Variants in PTPN12 observed in about 807,000 individuals in gnomAD.
The protein encoded by PTPN12 is protein tyrosine phosphatase non-receptor type 12, also known as tyrosine-protein phosphatase non-receptor type 12.
In PTPN12, 29 loss-of-function variants were observed where a neutral mutation model predicts 97.6. The observed-to-expected ratio is 0.30, with a 90% confidence interval of 0.22 to 0.41. The LOEUF is 0.41. Ranked by LOEUF, PTPN12 falls within the 10% of genes least tolerant of loss-of-function variation. The pLI, the probability that PTPN12 is intolerant of heterozygous loss-of-function variation, is 1.00. For synonymous variants in PTPN12, 327 were observed against 300.4 expected, an observed-to-expected ratio of 1.09 and a Z score of -0.91; for missense variants, 819 against 926.0, an observed-to-expected ratio of 0.88 and a Z score of 1.50.
intron 1 of PTPN12, among the ~76,000 whole-genome samples, chr7:77,562,212 C>A (rs1808032655): frequency 6.6e-6 from 1 of 152,094 alleles, no homozygotes; most frequent in African/African-American, 2.4e-5. Context: ...TGCCACCACG[C>A]CCAGCTAATT....
intron 1 of PTPN12, among the ~76,000 whole-genome samples, chr7:77,540,496 A>T (rs1186017072): frequency 3.3e-5 from 5 of 151,640 alleles, no homozygotes; most frequent in African/African-American, 1.2e-4. Context: ...TGCCCGCCTC[A>T]GCCTCCCAAA....
rs753369979 is a variant in PTPN12, at chr7:77,625,524, ACT to A, written c.1026-1177_1026-1176del. On this transcript the variant is annotated intron_variant, in intron 12 of 17. Transcript: ENST00000248594. Reference sequence around the variant, plus strand: ...CTCTCTCTCTCTCTCTCTCTCTCTCACTCTCACTCTCACTCGCGCTCTCTCTC... The same window carrying A: ...CTCTCTCTCTCTCTCTCTCTCTCTCACTCACTCTCACTCGCGCTCTCTCTC... 1.4e-3 allele frequency among the ~76,000 whole-genome samples: 24 copies of A among 17,022 alleles called. 1 individual carries two copies. The highest frequency in any genetic ancestry group is 7.0e-3 in the African/African-American group (24 of 3,448). 11.2% of individuals were successfully genotyped at this position (17,022 alleles called of 152,430 possible).
At chr7:77,569,351 C>G (rs919006611) in intron 1 of PTPN12, among the ~76,000 whole-genome samples, 1 of 152,098 alleles carries the variant, frequency 6.6e-6, no homozygotes, top group South Asian at 2.1e-4. Flanking sequence ...ATACTGTCAT[C>G]TTACTATATA....
At chr7:77,635,334 T>G (rs565644418) in intron 14 of PTPN12, among the ~76,000 whole-genome samples, 1 of 152,092 alleles carries the variant, frequency 6.6e-6, no homozygotes, top group Admixed American at 6.6e-5. Flanking sequence ...GAAGCTGAGA[T>G]GGGAAGATTG....
At chr7:77,561,545 A>G (rs1807994867) in intron 1 of PTPN12, among the ~76,000 whole-genome samples, 1 of 152,092 alleles carries the variant, frequency 6.6e-6, no homozygotes, top group South Asian at 2.1e-4. Context: ...TTTTTTCCAT[A>G]TAGCGGTCAA....
intron 1 of PTPN12, among the ~76,000 whole-genome samples, chr7:77,547,355 A>T (rs1302933156): frequency 6.6e-6 from 1 of 152,168 alleles, no homozygotes; most frequent in African/African-American, 2.4e-5. Context: ...GGTGGGCTTC[A>T]GGGGAATCTT....
At chr7:77,612,040 A>ATTAC (rs1368380723) in intron 11 of PTPN12, among the ~76,000 whole-genome samples, 1 of 146,534 alleles carries the variant, frequency 6.8e-6, no homozygotes, top group African/African-American at 2.5e-5. Flanking sequence ...TATGATAACT[A>ATTAC]TTACATTGTT....
At chr7:77,635,240 TG>T (rs1317782831) in intron 14 of PTPN12, among the ~76,000 whole-genome samples, 1 of 152,184 alleles carries the variant, frequency 6.6e-6, no homozygotes, top group Non-Finnish European at 1.5e-5. Context: ...GAGACCAGCC[TG>T]GGCAACATGG....
intron 9 of PTPN12, among the ~76,000 whole-genome samples, chr7:77,610,011 A>G (rs1467112637): frequency 6.6e-6 from 1 of 152,186 alleles, no homozygotes; most frequent in African/African-American, 2.4e-5. Context: ...GATAACAGTT[A>G]TGATATTTCT....
intron 17 of PTPN12, 96 bp from the exon 18 acceptor site, chr7:77,639,123 T>G (rs1789708410): frequency 1.0e-6 from 1 of 999,516 alleles, no homozygotes; most frequent in Non-Finnish European, 1.4e-6. Flanking sequence ...TGGAAATTTA[T>G]TTGTTCCAGA....
intron 15 of PTPN12, among the ~76,000 whole-genome samples, chr7:77,636,541 C>T (rs1182865439): frequency 2.0e-5 from 3 of 152,136 alleles, no homozygotes; most frequent in Admixed American, 2.0e-4. Context: ...ATGATCACAC[C>T]ACTGCACTCC....
Position 77,590,717 on chromosome 7 carries a change from T to A in PTPN12, c.421-1468T>A, listed in dbSNP as rs1584155314. Among the ~76,000 whole-genome samples, 3 of 152,130 alleles carry A rather than the reference T, an allele frequency of 2.0e-5. No homozygotes were observed. In the East Asian group the frequency reaches 5.8e-4, roughly 29 times the overall value. Reference sequence around the variant, plus strand: ...CTGGGATTAAAGGCATGTGCCACCATGCCTGGCTAATTTTTTTGTATTTTT... The same window carrying A: ...CTGGGATTAAAGGCATGTGCCACCAAGCCTGGCTAATTTTTTTGTATTTTT... On this transcript the variant is annotated intron_variant, in intron 5 of 17. Coordinates refer to ENST00000248594, the MANE Select transcript of PTPN12 (RefSeq NM_002835.4).
chr7:77,618,444 C>T, intron 11 of PTPN12, 36 bp from the exon 12 acceptor site: 1 of 1,363,986 alleles, frequency 7.3e-7, no homozygotes, highest in Non-Finnish European at 1.0e-6. Context: ...AATTATTTTT[C>T]TCTTAACCTT....
At chr7:77,553,807 A>C (rs1456300089) in intron 1 of PTPN12, among the ~76,000 whole-genome samples, 1 of 150,778 alleles carries the variant, frequency 6.6e-6, no homozygotes, top group Admixed American at 6.6e-5. Context: ...ATTAATGTCT[A>C]CCATATTTGC....
chr7:77,578,812 C>T (rs930930791), intron 2 of PTPN12, among the ~76,000 whole-genome samples: 7 of 152,076 alleles, frequency 4.6e-5, no homozygotes, highest in Non-Finnish European at 7.4e-5. Flanking sequence ...ACAATGAATA[C>T]TAGGCAATTC....
chr7:77,608,910 A>G (rs953545927), intron 9 of PTPN12, among the ~76,000 whole-genome samples: 1 of 152,308 alleles, frequency 6.6e-6, no homozygotes, highest in East Asian at 1.9e-4. Flanking sequence ...CAAAACAAAC[A>G]TTTGGTCATT....
intron 11 of PTPN12, among the ~76,000 whole-genome samples, chr7:77,614,620 A>G (rs577004568): frequency 2.0e-5 from 3 of 152,184 alleles, no homozygotes; most frequent in Non-Finnish European, 4.4e-5. Flanking sequence ...ACTTTTTAGT[A>G]TTTTCTTCTT....
At chr7:77,587,651 A>C (rs994066213) in intron 5 of PTPN12, among the ~76,000 whole-genome samples, 4 of 152,252 alleles carry the variant, frequency 2.6e-5, no homozygotes, top group Non-Finnish European at 1.5e-5. Flanking sequence ...GAGAGTCAGC[A>C]TGTCCTTTGA....
intron 13 of PTPN12, among the ~76,000 whole-genome samples, chr7:77,629,939 CAAAAA>C (rs1168132976): frequency 4.0e-5 from 4 of 98,882 alleles, no homozygotes; most frequent in Admixed American, 2.1e-4. Flanking sequence ...GACCCTGTCT[CAAAAA>C]AAAAAAAAAA....
Sources: gnomAD v4.1 joint callset for allele counts (sites outside exome capture counted in the v4.1 genomes callset) on GRCh38, gnomAD v4.1.1 for gene constraint, MANE v1.5 for transcripts, NCBI Gene and HGNC (gene_info 2026-07-23, HGNC 2026-07-21) for gene names.